The following VGLL4 variants were observed in gnomAD, a reference collection of about 807,000 sequenced individuals.
The protein encoded by VGLL4 is vestigial like family member 4.
A neutral mutation model predicts 21.0 loss-of-function variants in VGLL4; 7 were observed. The ratio of observed to expected loss-of-function variants is 0.33; its 90% CI spans 0.19 to 0.63. The LOEUF (loss-of-function observed/expected upper bound fraction) is 0.63, where lower values mean the gene tolerates loss of function less well. Among genes scored for constraint, VGLL4 ranks in the 20% least tolerant of loss-of-function variants. The pLI is 0.78. For missense variants in VGLL4, 394 were observed against 425.7 expected (o/e 0.93, Z 0.66); for synonymous variants, 222 against 173.2 (o/e 1.28, Z -2.21).
At chr3:11,615,941 G>A (rs1030081078) in intron 1 of VGLL4, among the ~76,000 whole-genome samples, 4 of 152,200 alleles carry the variant, frequency 2.6e-5, no homozygotes, top group African/African-American at 9.7e-5. Flanking sequence ...AGGCCAATCT[G>A]CATCCTTTCC....
chr3:11,656,205 C>G (rs1481241374), intron 2 of VGLL4, among the ~76,000 whole-genome samples: 1 of 152,218 alleles, frequency 6.6e-6, no homozygotes, highest in Non-Finnish European at 1.5e-5. Context: ...CCAGGGAGCA[C>G]ACACGACAGA....
chr3:11,663,324 T>G (rs1365522504), intron 2 of VGLL4, among the ~76,000 whole-genome samples: 1 of 152,182 alleles, frequency 6.6e-6, no homozygotes, highest in Non-Finnish European at 1.5e-5. Flanking sequence ...GGATACAGAA[T>G]AAGTTGGCGT....
intron 2 of VGLL4, among the ~76,000 whole-genome samples, chr3:11,656,265 T>TTGCTCACTTAGGATGCACTTAGTCCAGA (rs1185143944): frequency 1.3e-5 from 2 of 152,204 alleles, no homozygotes; most frequent in Admixed American, 1.3e-4. Flanking sequence ...TAAAGTCCAG[T>TTGCTCACTTAGGATGCACTTAGTCCAGA]TGCTCACTTA....
At chr3:11,672,895 C>T (rs1264416016) in intron 2 of VGLL4, among the ~76,000 whole-genome samples, 1 of 152,040 alleles carries the variant, frequency 6.6e-6, no homozygotes, top group East Asian at 1.9e-4. Context: ...AAAAGGAAAA[C>T]GAGAACACTG....
At position 11,561,758 on chromosome 3, in the gene VGLL4, G is replaced by A. The variant is rs191860077; in HGVS notation, c.496-2303C>T. The stretch of plus-strand genomic sequence containing the variant: ...TGCGGATTTGTGGCAGGGCCAGTAT[G>A]AGCCCTGTCACTAACCCCTTCACCC... On this transcript the variant is annotated intron_variant, in intron 3 of 4. Coordinates refer to ENST00000430365, the MANE Select transcript of VGLL4 (RefSeq NM_001128219.3). 1.5e-4 allele frequency among the ~76,000 whole-genome samples: 23 copies of A among 152,190 alleles called. No individual in the cohort carries two copies. In the East Asian group the frequency reaches 3.1e-3, roughly 21 times the overall value.
chr3:11,677,889 C>T (rs1294051481), intron 2 of VGLL4, among the ~76,000 whole-genome samples: 1 of 122,904 alleles, frequency 8.1e-6, no homozygotes, highest in East Asian at 2.3e-4. Flanking sequence ...AGCCTGGCGA[C>T]AGAGCAAGAC....
chr3:11,558,549 G>C lies in VGLL4; in HGVS notation c.*7C>G. ...AGATCCACGTGTTGTTGGAGGAGGC[G>C]CTCCCTTCAGGAGACCACAGAGGGG... On this transcript the variant is annotated 3_prime_UTR_variant, in exon 5 of 5. Transcript: ENST00000430365. The C allele has an allele frequency of 6.3e-7, 1 of 1,592,546 alleles. No homozygotes were observed. Among genetic ancestry groups the C allele is most frequent in the African/African-American group, 1.3e-5 (1 of 74,188 alleles).
intron 2 of VGLL4, among the ~76,000 whole-genome samples, chr3:11,590,284 T>C (rs117915124): frequency 2.0e-5 from 3 of 152,224 alleles, no homozygotes; most frequent in Admixed American, 2.0e-4. Context: ...AATTTAGGGA[T>C]GCAGCAAGAT....
At chr3:11,714,304 C>A (rs928329522) in intron 1 of VGLL4, among the ~76,000 whole-genome samples, 8 of 152,172 alleles carry the variant, frequency 5.3e-5, no homozygotes, top group Non-Finnish European at 1.0e-4. Flanking sequence ...CACACTGAAA[C>A]TACTGTTATC....
chr3:11,713,568 T>TTATTTA (rs1553747924), intron 1 of VGLL4, among the ~76,000 whole-genome samples: 1 of 140,294 alleles, frequency 7.1e-6, no homozygotes, highest in African/African-American at 2.7e-5. Flanking sequence ...TATATATTAT[T>TTATTTA]TATATATATA....
chr3:11,680,342 G>A (rs887380649), intron 2 of VGLL4, among the ~76,000 whole-genome samples: 1 of 152,128 alleles, frequency 6.6e-6, no homozygotes, highest in Non-Finnish European at 1.5e-5. Context: ...ACAGCAGCAT[G>A]GTCATCACTA....
intron 1 of VGLL4, among the ~76,000 whole-genome samples, chr3:11,608,378 C>G (rs1045317067): frequency 1.3e-5 from 2 of 152,050 alleles, no homozygotes; most frequent in African/African-American, 4.8e-5. Context: ...AAAATTAACT[C>G]CTGTGGTTTT....
chr3:11,660,725 T>C (rs573012793), intron 2 of VGLL4, among the ~76,000 whole-genome samples: 1 of 152,230 alleles, frequency 6.6e-6, no homozygotes, highest in Admixed American at 6.5e-5. Flanking sequence ...TTTCAAAGAT[T>C]ATCTATTTGG....
chr3:11,580,516 C>G (rs1348917515), intron 2 of VGLL4, among the ~76,000 whole-genome samples: 2 of 152,178 alleles, frequency 1.3e-5, no homozygotes, highest in African/African-American at 2.4e-5. Flanking sequence ...TACCTATAAG[C>G]AGAATTGCTG....
chr3:11,660,284 C>T (rs553662266), intron 2 of VGLL4, among the ~76,000 whole-genome samples: 2 of 152,314 alleles, frequency 1.3e-5, no homozygotes, highest in African/African-American at 4.8e-5. Context: ...CTCTGATCTA[C>T]TTCTGCATCT....
intron 2 of VGLL4, chr3:11,671,514 T>G: frequency 1.6e-6 from 1 of 631,190 alleles, no homozygotes; most frequent in South Asian, 1.8e-5. Context: ...AGTTTCGCAG[T>G]CTGCCCTGCA....
rs1347051189 is a variant in VGLL4 at position 11,676,404 on chromosome 3, A to T, written c.64+26567T>A. 6.7e-3 allele frequency among the ~76,000 whole-genome samples: 219 copies of T among 32,854 alleles called. 8 individuals are homozygous for T. Among genetic ancestry groups the T allele is most frequent in the African/African-American group, 0.015 (214 of 14,274 alleles). The allele number at this position is 32,854 out of a possible 152,430, so 21.6% of individuals were successfully genotyped here. A position where few individuals can be genotyped will look rare whatever the true frequency, so the allele number is the denominator to read the frequency against. On this transcript the variant is annotated intron_variant, in intron 2 of 5. Transcript: ENST00000273038. ...AGCGAGACTCTGTCTCAAAAAAAAA[A>T]AAAAAATAAAATAATAATAATAATA...
At chr3:11,604,911 G>A (rs896868234) in intron 1 of VGLL4, among the ~76,000 whole-genome samples, 2 of 144,186 alleles carry the variant, frequency 1.4e-5, no homozygotes, top group Non-Finnish European at 3.0e-5. Context: ...GGGTGACCCT[G>A]GGGTCAAATA....
intron 2 of VGLL4, among the ~76,000 whole-genome samples, chr3:11,659,199 A>C (rs904292415): frequency 6.6e-6 from 1 of 152,188 alleles, no homozygotes; most frequent in Non-Finnish European, 1.5e-5. Flanking sequence ...AGTAAGACAC[A>C]GTCCCTGTCC....
Sources: gnomAD v4.1 joint callset for allele counts (sites outside exome capture counted in the v4.1 genomes callset) on GRCh38, gnomAD v4.1.1 for gene constraint, MANE v1.5 for transcripts, NCBI Gene and HGNC (gene_info 2026-07-23, HGNC 2026-07-21) for gene names.